HK1: variants seen among roughly 807,000 people sequenced by gnomAD.
HK1 encodes the protein hexokinase-1.
Under a neutral mutation model 91.6 loss-of-function variants are expected in HK1, and 28 were observed. The observed-to-expected ratio is 0.31, with a 90% CI of 0.23 to 0.42. The LOEUF (loss-of-function observed/expected upper bound fraction) is 0.42. Ranked by LOEUF, HK1 falls within the 10% of genes least tolerant of loss-of-function variation. The probability of loss-of-function intolerance (pLI) is 1.00; values close to 1 mark genes in which losing one functional copy is unlikely to be tolerated. For synonymous variants in HK1, 430 were observed against 468.1 expected (o/e 0.92, Z 1.05); for missense variants, 770 against 1,219.8 (o/e 0.63, Z 5.49).
In HK1 at chr10:69,371,340, A is replaced by G. The variant is rs571775996; in HGVS notation, c.875+1716A>G. ...TACCCCCCCCCACCCCGCCCAATCC[A>G]TTGACCCCACTGGCATGACATGAAC... On this transcript the variant is annotated intron_variant, in intron 7 of 17. Transcript: ENST00000359426. Among the ~76,000 whole-genome samples, 252 of 74,314 alleles carry G rather than the reference A, an allele frequency of 3.4e-3. 3 individuals carry two copies. Among genetic ancestry groups the G allele is most frequent in the Admixed American group, 7.4e-3 (40 of 5,410 alleles). 48.8% of individuals were successfully genotyped at this position (74,314 alleles called of 152,430 possible). A position where few individuals can be genotyped will look rare whatever the true frequency, so the allele number is the denominator to read the frequency against.
intron 14 of HK1, among the ~76,000 whole-genome samples, chr10:69,391,488 T>A (rs1260409272): frequency 2.0e-5 from 3 of 152,130 alleles, no homozygotes; most frequent in Admixed American, 6.5e-5. Context: ...CTAAAAATTT[T>A]AAAAAATTAG....
intron 1 of HK1, among the ~76,000 whole-genome samples, chr10:69,276,744 T>C (rs1844496928): frequency 1.3e-5 from 2 of 150,002 alleles, no homozygotes; most frequent in Non-Finnish European, 3.0e-5. Context: ...TAATTAAACA[T>C]CAAATCATTC....
At chr10:69,304,499 C>T (rs975234562) in intron 5 of HK1, among the ~76,000 whole-genome samples, 5 of 152,066 alleles carry the variant, frequency 3.3e-5, no homozygotes, top group Admixed American at 2.6e-4. Flanking sequence ...GTAGAAGCAG[C>T]GTTTCACCAT....
chr10:69,318,104 G>A (rs1036600738), upstream of HK1: 1 of 985,470 alleles, frequency 1.0e-6, no homozygotes, highest in Non-Finnish European at 1.2e-6. Context: ...CCCTGAGGGA[G>A]AGCCACCGGA....
intron 4 of HK1, among the ~76,000 whole-genome samples, chr10:69,367,658 G>A (rs1321388831): frequency 6.6e-6 from 1 of 152,056 alleles, no homozygotes; most frequent in African/African-American, 2.4e-5. Flanking sequence ...ACCGTGAGCT[G>A]GGGCGGGGCC....
At chr10:69,276,112 A>AT (rs1564746747) in intron 1 of HK1, among the ~76,000 whole-genome samples, 28 of 42,580 alleles carry the variant, frequency 6.6e-4, no homozygotes, top group South Asian at 3.2e-3. Context: ...AAAAAAAAAA[A>AT]AAAAAAATAC....
At chr10:69,316,703 G>T (rs555102183), upstream of HK1, among the ~76,000 whole-genome samples, 17 of 152,358 alleles carry the variant, frequency 1.1e-4, no homozygotes, top group African/African-American at 4.1e-4. Flanking sequence ...ACAACGGGTT[G>T]GGCATGGGTG....
At chr10:69,314,139 G>C (rs1846522497), upstream of HK1, among the ~76,000 whole-genome samples, 1 of 152,192 alleles carries the variant, frequency 6.6e-6, no homozygotes, top group South Asian at 2.1e-4. Context: ...TAAGACCCTG[G>C]AGCAACTGCC....
intron 1 of HK1, among the ~76,000 whole-genome samples, chr10:69,331,175 G>T (rs905978095): frequency 6.6e-6 from 1 of 152,088 alleles, no homozygotes; most frequent in Non-Finnish European, 1.5e-5. Context: ...CCGCCACGCC[G>T]GGCCAGAGTT....
chr10:69,327,544 C>T (rs144593236), intron 1 of HK1, among the ~76,000 whole-genome samples: 1 of 152,296 alleles, frequency 6.6e-6, no homozygotes, highest in Non-Finnish European at 1.5e-5. Flanking sequence ...TAGAACAACT[C>T]ATTCAGCGCA....
chr10:69,350,911 C>A (rs1848822696), intron 2 of HK1, among the ~76,000 whole-genome samples: 2 of 151,088 alleles, frequency 1.3e-5, no homozygotes, highest in African/African-American at 4.9e-5. Flanking sequence ...TGGCTCACGC[C>A]TGTAATCCCA....
intron 3 of HK1, among the ~76,000 whole-genome samples, chr10:69,291,373 T>C (rs147348833): frequency 1.4e-4 from 21 of 152,364 alleles, no homozygotes; most frequent in African/African-American, 4.8e-4. Context: ...GTCCCATCAA[T>C]TAGCCCAGAG....
chr10:69,359,880 G>A lies in HK1; in HGVS notation c.227-17G>A. The A allele has an allele frequency of 6.2e-7, 1 of 1,613,508 alleles. No homozygotes were observed. The highest frequency in any genetic ancestry group is 1.3e-5 in the African/African-American group (1 of 75,034). Reference sequence around the variant, plus strand: ...AACATTTGAATCTCATGTGATACCTGTTGTCTCCCTAAACAGAAAAGGGAG... The same window carrying A: ...AACATTTGAATCTCATGTGATACCTATTGTCTCCCTAAACAGAAAAGGGAG... On this transcript the variant is annotated splice_polypyrimidine_tract_variant and intron_variant, in intron 2 of 17. Coordinates refer to ENST00000359426, the MANE Select transcript of HK1 (RefSeq NM_000188.3).
intron 2 of HK1, among the ~76,000 whole-genome samples, chr10:69,286,818 G>T (rs758514470): frequency 3.3e-5 from 5 of 152,134 alleles, no homozygotes; most frequent in Non-Finnish European, 7.4e-5. Context: ...AACGTGCTGG[G>T]ATTACAGGCA....
intron 4 of HK1, chr10:69,295,685 GA>G (rs1845528054): frequency 6.3e-7 from 1 of 1,582,030 alleles, no homozygotes; most frequent in Admixed American, 1.7e-5. Context: ...AGTGAGGTAA[GA>G]AAGCTATTTT....
At chr10:69,331,840 T>G (rs1253581886) in intron 1 of HK1, among the ~76,000 whole-genome samples, 1 of 151,848 alleles carries the variant, frequency 6.6e-6, no homozygotes, top group Non-Finnish European at 1.5e-5. Flanking sequence ...TGGAGTGCAC[T>G]GCACTCCAGC....
chr10:69,330,054 C>A (rs1025684603), intron 1 of HK1, among the ~76,000 whole-genome samples: 1 of 152,182 alleles, frequency 6.6e-6, no homozygotes, highest in Non-Finnish European at 1.5e-5. Flanking sequence ...ATGAAAACCC[C>A]CTCAATGCTC....
intron 4 of HK1, chr10:69,300,634 C>T (rs1208406518): frequency 8.2e-6 from 6 of 735,980 alleles, no homozygotes; most frequent in Non-Finnish European, 1.5e-5. Flanking sequence ...GTGAGGTTCA[C>T]AACAATTTGC....
At chr10:69,289,460 A>AT (rs1564755510) in intron 3 of HK1, among the ~76,000 whole-genome samples, 8,004 of 91,424 alleles carry the variant, frequency 0.088, 679 homozygotes, top group South Asian at 0.13. Flanking sequence ...TAAAAAAAAA[A>AT]ATTTTTTTTT....
Sources: gnomAD v4.1 joint callset for allele counts (sites outside exome capture counted in the v4.1 genomes callset) on GRCh38, gnomAD v4.1.1 for gene constraint, MANE v1.5 for transcripts, NCBI Gene and HGNC (gene_info 2026-07-23, HGNC 2026-07-21) for gene names.